The following GRID2 variants were observed in gnomAD, a reference collection of about 807,000 sequenced individuals.
GRID2 encodes the protein glutamate ionotropic receptor delta type subunit 2, also known as glutamate receptor ionotropic, delta-2.
In GRID2, 33 loss-of-function variants were observed where a neutral mutation model predicts 114.8. The ratio of observed to expected loss-of-function variants is 0.29; its 90% confidence interval spans 0.22 to 0.38. GRID2 has a LOEUF of 0.38. GRID2 is among the 10% of genes least tolerant of loss of function. GRID2 has a pLI of 1.00. For synonymous variants in GRID2, 505 were observed against 449.9 expected (o/e 1.12, Z -1.55); for missense variants, 1,184 against 1,257.7 (o/e 0.94, Z 0.89).
At chr4:93,722,151 A>G (rs1226014013) in intron 14 of GRID2, among the ~76,000 whole-genome samples, 1 of 151,994 alleles carries the variant, frequency 6.6e-6, no homozygotes, top group Non-Finnish European at 1.5e-5. Context: ...AACTCCTGAA[A>G]GTGATCTACC....
chr4:93,616,253 A>G (rs2149674962), intron 13 of GRID2, among the ~76,000 whole-genome samples: 1 of 152,244 alleles, frequency 6.6e-6, no homozygotes, highest in South Asian at 2.1e-4. Flanking sequence ...TAAGAAGTTT[A>G]TAGACTAAGG....
chr4:92,556,570 G>A (rs1364731685), intron 1 of GRID2, among the ~76,000 whole-genome samples: 1 of 152,024 alleles, frequency 6.6e-6, no homozygotes, highest in Non-Finnish European at 1.5e-5. Context: ...AGTTTTTGTG[G>A]GTTAGGAATC....
intron 1 of GRID2, among the ~76,000 whole-genome samples, chr4:92,503,291 TTC>T (rs1322701010): frequency 2.0e-5 from 3 of 152,116 alleles, no homozygotes; most frequent in African/African-American, 7.2e-5. Flanking sequence ...AGTTTCTCCT[TTC>T]TGTTTTCTGA....
intron 1 of GRID2, among the ~76,000 whole-genome samples, chr4:92,444,968 G>C (rs1733370547): frequency 6.6e-6 from 1 of 152,014 alleles, no homozygotes; most frequent in Admixed American, 6.5e-5. Flanking sequence ...TGTCACGTAT[G>C]CCATATTTGT....
In GRID2 at chr4:93,743,938, C is replaced by T. The variant is rs577421993; in HGVS notation, c.2361-25272C>T. Among the ~76,000 whole-genome samples the T allele has an allele frequency of 9.2e-5, 14 of 152,314 alleles. 1 individual carries two copies. In the East Asian group the frequency reaches 1.5e-3, roughly 17 times the overall value. On this transcript the variant is annotated intron_variant, in intron 14 of 15. Transcript: ENST00000282020. ...CAGCCTATCTTGTTAAGGCTGAATA[C>T]ATTTGGTGACTTTCAATGCTCATTT...
intron 2 of GRID2, chr4:92,833,536 A>C (rs1174423085): frequency 4.6e-5 from 7 of 152,196 alleles, no homozygotes; most frequent in African/African-American, 1.7e-4. Flanking sequence ...ATTCTTATTC[A>C]GACAGAAGAA....
At chr4:93,446,758 G>T (rs1258400217) in intron 10 of GRID2, among the ~76,000 whole-genome samples, 1 of 151,868 alleles carries the variant, frequency 6.6e-6, no homozygotes, top group Non-Finnish European at 1.5e-5. Flanking sequence ...TTAAAACTGT[G>T]GTTGAACATA....
At chr4:92,360,006 T>C (rs1051492456) in intron 1 of GRID2, among the ~76,000 whole-genome samples, 3 of 151,990 alleles carry the variant, frequency 2.0e-5, no homozygotes, top group Non-Finnish European at 4.4e-5. Flanking sequence ...GTAAACTACC[T>C]TTAATGGTTT....
chr4:93,382,246 T>C (rs1325295016), intron 8 of GRID2, among the ~76,000 whole-genome samples: 1 of 152,076 alleles, frequency 6.6e-6, no homozygotes, highest in Non-Finnish European at 1.5e-5. Context: ...ATTTAGAGTT[T>C]ACTGAGCTTC....
chr4:92,537,941 C>T lies in GRID2; in HGVS notation c.89-52190C>T, dbSNP rs944249144. On this transcript the variant is annotated intron_variant, in intron 1 of 15. Coordinates refer to ENST00000282020, the MANE Select transcript of GRID2 (RefSeq NM_001510.4). ...AGTAGATTGAAAACCCTCTCTCCAT[C>T]TCTATAAGAAAATGTTATCTTCTGT... 6.6e-5 allele frequency among the ~76,000 whole-genome samples: 10 copies of T among 152,058 alleles called. No individual in the cohort carries two copies. In the South Asian group the frequency reaches 1.5e-3, roughly 22 times the overall value.
intron 8 of GRID2, among the ~76,000 whole-genome samples, chr4:93,257,995 TATATACACACACAC>T (rs1457560823): frequency 2.4e-4 from 10 of 41,846 alleles, no homozygotes; most frequent in Admixed American, 1.1e-3. Context: ...TATATATATA[TATATACACACACAC>T]ACACACACAC....
chr4:92,384,748 A>C lies in GRID2; in HGVS notation c.88+80004A>C, dbSNP rs779122216. ...AAATATTTTACTTGCTGAATTAGTA[A>C]AACTTCTGATAAATAAGAAGATACT... On this transcript the variant is annotated intron_variant, in intron 1 of 15. Transcript: ENST00000282020. Among the ~76,000 whole-genome samples, 37 of 138,374 alleles carry C rather than the reference A, an allele frequency of 2.7e-4. 2 individuals are homozygous for C. Among genetic ancestry groups the C allele is most frequent in the African/African-American group, 4.1e-4 (15 of 36,740 alleles). 90.8% of individuals were successfully genotyped at this position (138,374 alleles called of 152,430 possible). A position where few individuals can be genotyped will look rare whatever the true frequency, so the allele number is the denominator to read the frequency against.
chr4:92,779,711 A>G (rs1221804415), intron 2 of GRID2, among the ~76,000 whole-genome samples: 4 of 152,114 alleles, frequency 2.6e-5, no homozygotes, highest in African/African-American at 9.7e-5. Context: ...CCCTTTTATA[A>G]TGAGTTTTCC....
Position 93,773,524 on chromosome 4 carries a change from A to G in GRID2, c.*1026A>G, listed in dbSNP as rs192951181. 1.3e-5 allele frequency: 2 copies of G among 152,314 alleles called. No individual in the cohort carries two copies. The highest frequency in any genetic ancestry group is 1.9e-4 in the East Asian group (1 of 5,190). The allele number at this position is 152,314 out of a possible 1,614,324, so 9.4% of individuals were successfully genotyped here. A position where few individuals can be genotyped will look rare whatever the true frequency, so the allele number is the denominator to read the frequency against. On this transcript the variant is annotated 3_prime_UTR_variant, in exon 16 of 16. Coordinates refer to ENST00000282020, the MANE Select transcript of GRID2 (RefSeq NM_001510.4). The stretch of plus-strand genomic sequence containing the variant: ...TTGCATTTGTTATTCAGCAGTGTAT[A>G]AAGCTAACCTTGATAATTTTACTTT...
intron 1 of GRID2, among the ~76,000 whole-genome samples, chr4:92,576,553 T>C (rs1307569755): frequency 6.6e-6 from 1 of 152,176 alleles, no homozygotes; most frequent in African/African-American, 2.4e-5. Flanking sequence ...CTGCCTTGCT[T>C]GAGCTGCAGA....
rs1553907447 is a variant in GRID2, at chr4:93,316,339, A to AGAAGGAAGGAAG, written c.1245+77861_1245+77872dup. ...AAGAAAGAAAGAAAGAAAGAAAGAA[A>AGAAGGAAGGAAG]GAAGGAAGGAAGGAAGGAAGGAAAA... On this transcript the variant is annotated intron_variant, in intron 8 of 15. Transcript: ENST00000282020. Among the ~76,000 whole-genome samples the AGAAGGAAGGAAG allele has an allele frequency of 5.3e-4, 29 of 55,018 alleles. 1 individual carries two copies. The highest frequency in any genetic ancestry group is 1.5e-3 in the African/African-American group (26 of 16,812). The allele number at this position is 55,018 out of a possible 152,430, so 36.1% of individuals were successfully genotyped here. A position where few individuals can be genotyped will look rare whatever the true frequency, so the allele number is the denominator to read the frequency against.
At chr4:92,357,187 C>A (rs1486437403) in intron 1 of GRID2, among the ~76,000 whole-genome samples, 2 of 151,658 alleles carry the variant, frequency 1.3e-5, no homozygotes, top group African/African-American at 4.8e-5. Context: ...TGAATTATAC[C>A]TAACGTAAAT....
At chr4:92,435,196 T>G (rs1425298931) in intron 1 of GRID2, among the ~76,000 whole-genome samples, 1 of 152,180 alleles carries the variant, frequency 6.6e-6, no homozygotes, top group Admixed American at 6.5e-5. Context: ...CGGATTTGTG[T>G]TTTCATTATC....
At chr4:92,944,809 CA>C (rs1280534848) in intron 2 of GRID2, among the ~76,000 whole-genome samples, 1 of 152,008 alleles carries the variant, frequency 6.6e-6, no homozygotes, top group Non-Finnish European at 1.5e-5. Context: ...TTGGACTTAT[CA>C]ATATTTTGAA....
Sources: allele counts gnomAD v4.1 joint callset (sites outside exome capture counted in the v4.1 genomes callset), GRCh38; gene constraint gnomAD v4.1.1; transcripts MANE v1.5; gene names NCBI Gene and HGNC (gene_info 2026-07-23, HGNC 2026-07-21).